MAN1C1: variants seen among roughly 807,000 people sequenced by gnomAD.
The protein encoded by MAN1C1 is mannosyl-oligosaccharide 1,2-alpha-mannosidase IC.
MAN1C1 carries 49 observed loss-of-function variants against 71.5 expected under a neutral mutation model. That is an observed-to-expected ratio of 0.69 (90% CI 0.54 to 0.87). The LOEUF (loss-of-function observed/expected upper bound fraction) is 0.87. Among genes scored for constraint, MAN1C1 ranks in the 40% least tolerant of loss-of-function variants. MAN1C1 has a pLI of 0.00. For synonymous variants in MAN1C1, 352 were observed against 343.7 expected (o/e 1.02, Z -0.27); for missense variants, 743 against 835.0 (o/e 0.89, Z 1.36).
In MAN1C1 at chr1:25,735,520, ATATGTG is replaced by A. The variant is rs752813157; in HGVS notation, c.638-11142_638-11137del. On this transcript the variant is annotated intron_variant, in intron 2 of 11. Coordinates refer to ENST00000374332, the MANE Select transcript of MAN1C1 (RefSeq NM_020379.4). The surrounding 1 kb of genome is among the most constrained non-coding windows in gnomAD (Gnocchi z 4.6). ...TGTGTGTATGTATGTGTGTGTATAT[ATATGTG>A]TATGTATATGTGTATGTATATATGT... Among the ~76,000 whole-genome samples the A allele has an allele frequency of 6.6e-5, 10 of 152,136 alleles. No individual in the cohort carries two copies. The highest frequency in any genetic ancestry group is 1.2e-4 in the Non-Finnish European group (8 of 68,024).
At position 25,753,229 on chromosome 1, in the gene MAN1C1, C is replaced by T. The variant is rs928674753; in HGVS notation, c.835-255C>T. On this transcript the variant is annotated intron_variant, in intron 4 of 11. Transcript: ENST00000374332. This position sits in a 1 kb window ranked among gnomAD's most constrained non-coding sequence, Gnocchi z 4.9. ...GTGGTAGATGCTTTGCCACAATTAT[C>T]TAATTTTCATTTCTCCCAACAACTC... Among the ~76,000 whole-genome samples, 1 of 152,142 alleles carries T rather than the reference C, an allele frequency of 6.6e-6. No homozygotes were observed. The highest frequency in any genetic ancestry group is 2.4e-5 in the African/African-American group (1 of 41,430).
At chr1:25,680,998 A>G (rs1247893171) in intron 1 of MAN1C1, among the ~76,000 whole-genome samples, 1 of 152,092 alleles carries the variant, frequency 6.6e-6, no homozygotes, top group Non-Finnish European at 1.5e-5. Flanking sequence ...AGGCGTGCAG[A>G]TCACCTGAGG....
intron 2 of MAN1C1, among the ~76,000 whole-genome samples, chr1:25,722,707 T>C (rs924805183): frequency 1.3e-5 from 2 of 152,220 alleles, no homozygotes; most frequent in Non-Finnish European, 2.9e-5. Context: ...CTTTCCTGTT[T>C]GTGTATTTGT....
intron 2 of MAN1C1, among the ~76,000 whole-genome samples, chr1:25,739,573 T>C (rs1012113909): frequency 2.0e-5 from 3 of 152,176 alleles, no homozygotes; most frequent in Admixed American, 1.3e-4. Flanking sequence ...ATCATTAATA[T>C]GGCAGAGTCA....
chr1:25,624,687 G>T (rs1212083320), intron 1 of MAN1C1, among the ~76,000 whole-genome samples: 1 of 152,136 alleles, frequency 6.6e-6, no homozygotes. Flanking sequence ...AACCTTCTGG[G>T]CAAACAATTG....
At position 25,780,914 on chromosome 1, in the gene MAN1C1, G is replaced by C. The variant is rs1302160890; in HGVS notation, c.1478-26G>C. On this transcript the variant is annotated intron_variant, in intron 9 of 11. Coordinates refer to ENST00000374332, the MANE Select transcript of MAN1C1 (RefSeq NM_020379.4). ...AGCAGGAGGTGGGAGGTCTGACCTG[G>C]GCCCTCTGCTTGGCTGTTTCCCCAG... 2.5e-6 allele frequency: 4 copies of C among 1,610,080 alleles called. No individual in the cohort carries two copies. In the South Asian group the frequency reaches 4.4e-5, roughly 18 times the overall value.
chr1:25,635,171 TTC>T (rs1408383963), intron 1 of MAN1C1, among the ~76,000 whole-genome samples: 2 of 152,112 alleles, frequency 1.3e-5, no homozygotes, highest in Non-Finnish European at 2.9e-5. Flanking sequence ...CATGCTCAGC[TTC>T]TCTGTTTTCT....
At chr1:25,619,476 G>C (rs142657844) in intron 1 of MAN1C1, among the ~76,000 whole-genome samples, 173 of 152,366 alleles carry the variant, frequency 1.1e-3, no homozygotes, top group African/African-American at 3.9e-3. Context: ...GGCTTAGCCA[G>C]ATTATCCCCT....
chr1:25,780,293 CCAAA>C (rs548638757), intron 9 of MAN1C1, among the ~76,000 whole-genome samples: 49 of 152,184 alleles, frequency 3.2e-4, no homozygotes, highest in African/African-American at 1.1e-3. Flanking sequence ...TGCCTCAAAA[CCAAA>C]CAGTGACAAT....
intron 2 of MAN1C1, among the ~76,000 whole-genome samples, chr1:25,707,771 A>G (rs2046544108): frequency 6.6e-6 from 1 of 152,238 alleles, no homozygotes; most frequent in Non-Finnish European, 1.5e-5. Flanking sequence ...TGTAATTGTC[A>G]AATGGAAGAC....
intron 1 of MAN1C1, among the ~76,000 whole-genome samples, chr1:25,683,585 T>G (rs1312889398): frequency 6.8e-6 from 1 of 147,838 alleles, no homozygotes; most frequent in Non-Finnish European, 1.5e-5. Context: ...GACTTCAGAC[T>G]GGGAGGAAGG....
chr1:25,643,586 T>TTTATTA (rs376041844), intron 1 of MAN1C1, among the ~76,000 whole-genome samples: 6,276 of 139,808 alleles, frequency 0.045, 511 homozygotes, highest in African/African-American at 0.16. Flanking sequence ...TATATATATA[T>TTTATTA]TTATTATTAT....
intron 1 of MAN1C1, among the ~76,000 whole-genome samples, chr1:25,642,812 G>A (rs890303502): frequency 3.3e-5 from 5 of 152,286 alleles, no homozygotes; most frequent in Middle Eastern, 3.4e-3. Flanking sequence ...AGCTTGCTCC[G>A]AGGCCGCTGG....
In MAN1C1 at chr1:25,735,202, G is replaced by A. The variant is rs1186816469; in HGVS notation, c.638-11466G>A. On this transcript the variant is annotated intron_variant, in intron 2 of 11. Transcript: ENST00000374332. The surrounding 1 kb of genome is among the most constrained non-coding windows in gnomAD (Gnocchi z 4.6). The stretch of plus-strand genomic sequence containing the variant: ...GGAGACCGAGACAGGTGGATCACTT[G>A]AGGCCAGGAGTTTGAGACAAGCCTG... Among the ~76,000 whole-genome samples, 2 of 152,230 alleles carry A rather than the reference G, an allele frequency of 1.3e-5. No homozygotes were observed. The highest frequency in any genetic ancestry group is 4.8e-5 in the African/African-American group (2 of 41,458).
In MAN1C1 at chr1:25,730,053, G is replaced by T. The variant is rs572435961; in HGVS notation, c.638-16615G>T. Among the ~76,000 whole-genome samples, 1 of 152,144 alleles carries T rather than the reference G, an allele frequency of 6.6e-6. No homozygotes were observed. The highest frequency in any genetic ancestry group is 1.5e-5 in the Non-Finnish European group (1 of 68,016). ...TTCTGAGAAAGCAGCTGCAGCCTCC[G>T]TAAGGACAGAGGTCAGGCCTGATGC... is the stretch of plus-strand genomic sequence containing the variant. On this transcript the variant is annotated intron_variant, in intron 2 of 11. Transcript: ENST00000374332. The surrounding 1 kb of genome is among the most constrained non-coding windows in gnomAD (Gnocchi z 4.3).
chr1:25,699,325 G>A (rs58886414), intron 2 of MAN1C1, among the ~76,000 whole-genome samples: 7,594 of 151,248 alleles, frequency 0.05, 380 homozygotes, highest in East Asian at 0.18. Context: ...AAAAAAAGAA[G>A]AAGAAGAAGA....
intron 4 of MAN1C1, among the ~76,000 whole-genome samples, chr1:25,751,001 T>A (rs2047206515): frequency 6.6e-6 from 1 of 152,028 alleles, no homozygotes; most frequent in Admixed American, 6.5e-5. Context: ...CTTCCGTCCA[T>A]CTTTCCTTCT....
intron 2 of MAN1C1, among the ~76,000 whole-genome samples, chr1:25,709,075 AG>A (rs1432800311): frequency 3.3e-5 from 5 of 152,254 alleles, no homozygotes; most frequent in African/African-American, 1.2e-4. Flanking sequence ...AACACCTACT[AG>A]GCTGAAAGTC....
chr1:25,655,992 G>A (rs1422639830), intron 1 of MAN1C1, among the ~76,000 whole-genome samples: 1 of 151,930 alleles, frequency 6.6e-6, no homozygotes, highest in Non-Finnish European at 1.5e-5. Flanking sequence ...GTGAGTATAG[G>A]CCCTGGATTC....
Sources: allele counts gnomAD v4.1 joint callset (sites outside exome capture counted in the v4.1 genomes callset), GRCh38; gene constraint gnomAD v4.1.1; non-coding constraint Gnocchi (gnomAD v3.1); transcripts MANE v1.5; gene names NCBI Gene and HGNC (gene_info 2026-07-23, HGNC 2026-07-21).